ANGPT1: variants seen among roughly 807,000 people sequenced by gnomAD.
The protein encoded by ANGPT1 is angiopoietin 1, also known as angiopoietin-1.
A neutral mutation model predicts 62.2 loss-of-function variants in ANGPT1; 17 were observed. The observed-to-expected ratio is 0.27, with a 90% CI of 0.19 to 0.41. The LOEUF (loss-of-function observed/expected upper bound fraction) is 0.41. Ranked by LOEUF, ANGPT1 falls within the 10% of genes least tolerant of loss-of-function variation. The pLI is 1.00. For synonymous variants in ANGPT1, 199 were observed against 198.9 expected, an observed-to-expected ratio of 1.00 and a Z score of 0.00; for missense variants, 478 against 594.9, an observed-to-expected ratio of 0.80 and a Z score of 2.04.
chr8:107,491,935 A>C (rs932088424), intron 1 of ANGPT1, among the ~76,000 whole-genome samples: 3 of 152,190 alleles, frequency 2.0e-5, no homozygotes, highest in African/African-American at 7.2e-5. Context: ...TGCCCATAGA[A>C]ACTCATAGAA....
chr8:107,342,914 T>C (rs1189782000), intron 2 of ANGPT1, among the ~76,000 whole-genome samples: 1 of 151,804 alleles, frequency 6.6e-6, no homozygotes, highest in Non-Finnish European at 1.5e-5. Flanking sequence ...CAGCTCATTG[T>C]AACCTTGAAC....
At chr8:107,402,489 A>C (rs1473811736) in intron 1 of ANGPT1, among the ~76,000 whole-genome samples, 1 of 152,210 alleles carries the variant, frequency 6.6e-6, no homozygotes, top group African/African-American at 2.4e-5. Context: ...ATAGCATGGG[A>C]GGGTACACAG....
rs146054655 is a variant in ANGPT1 at position 107,412,691 on chromosome 8, T to C, written c.298-65594A>G. Among the ~76,000 whole-genome samples, 14 of 152,258 alleles carry C rather than the reference T, an allele frequency of 9.2e-5. 1 individual carries two copies. In the East Asian group the frequency reaches 1.2e-3, roughly 13 times the overall value. Reference sequence around the variant, plus strand: ...AAGATGAATACATCCCCTGCCTTCATTGAACCAGTGAAATATACACTTGAA... The same window carrying C: ...AAGATGAATACATCCCCTGCCTTCACTGAACCAGTGAAATATACACTTGAA... On this transcript the variant is annotated intron_variant, in intron 1 of 8. Coordinates refer to ENST00000517746, the MANE Select transcript of ANGPT1 (RefSeq NM_001146.5).
chr8:107,413,594 A>C (rs2130361167), intron 1 of ANGPT1, among the ~76,000 whole-genome samples: 1 of 150,264 alleles, frequency 6.7e-6, no homozygotes, highest in South Asian at 2.1e-4. Flanking sequence ...GTATTATTTA[A>C]ATTAATATGC....
At chr8:107,478,478 G>A (rs1242826843) in intron 1 of ANGPT1, among the ~76,000 whole-genome samples, 1 of 152,158 alleles carries the variant, frequency 6.6e-6, no homozygotes, top group Admixed American at 6.5e-5. Flanking sequence ...CAACCTGGGA[G>A]GCAGAGGTTG....
chr8:107,301,080 G>A (rs1814576590), intron 5 of ANGPT1, among the ~76,000 whole-genome samples: 1 of 151,820 alleles, frequency 6.6e-6, no homozygotes, highest in South Asian at 2.1e-4. Flanking sequence ...ATGAACTAAA[G>A]TCCATAGAAT....
intron 1 of ANGPT1, among the ~76,000 whole-genome samples, chr8:107,365,890 C>CAT (rs71308725): frequency 2.7e-5 from 4 of 149,032 alleles, no homozygotes; most frequent in Admixed American, 1.3e-4. Context: ...CACACACACA[C>CAT]GATTTTGCCT....
At chr8:107,385,392 A>G (rs888800323) in intron 1 of ANGPT1, among the ~76,000 whole-genome samples, 1 of 152,064 alleles carries the variant, frequency 6.6e-6, no homozygotes, top group Non-Finnish European at 1.5e-5. Flanking sequence ...TTTTGTGGCT[A>G]CTGTGAATAG....
intron 1 of ANGPT1, among the ~76,000 whole-genome samples, chr8:107,458,490 A>C (rs1811980971): frequency 6.6e-6 from 1 of 152,200 alleles, no homozygotes; most frequent in African/African-American, 2.4e-5. Context: ...AATATTTTCT[A>C]AACTAAAACA....
chr8:107,350,322 C>G (rs985653397), intron 1 of ANGPT1, among the ~76,000 whole-genome samples: 7 of 152,082 alleles, frequency 4.6e-5, no homozygotes, highest in Non-Finnish European at 8.8e-5. Context: ...AGCTCCAATA[C>G]AAGATCTGCT....
chr8:107,474,796 A>C (rs1812468482), intron 1 of ANGPT1, among the ~76,000 whole-genome samples: 1 of 152,198 alleles, frequency 6.6e-6, no homozygotes, highest in Admixed American at 6.5e-5. Flanking sequence ...AATGGTAGAC[A>C]AACAGAGAGC....
At chr8:107,342,016 G>A (rs1004485813) in intron 2 of ANGPT1, among the ~76,000 whole-genome samples, 4 of 152,060 alleles carry the variant, frequency 2.6e-5, no homozygotes, top group South Asian at 2.1e-4. Flanking sequence ...TTAGCATCAC[G>A]AGTAAGGAAG....
rs543557558 is a variant in ANGPT1 at position 107,359,867 on chromosome 8, C to T, written c.298-12770G>A. Among the ~76,000 whole-genome samples, 7 of 152,238 alleles carry T rather than the reference C, an allele frequency of 4.6e-5. No individual in the cohort carries two copies. The South Asian group carries it at 8.3e-4, about 18-fold the overall frequency. The stretch of plus-strand genomic sequence containing the variant: ...TTCTTGAAATGGTTTGGTTGGTTTT[C>T]TCCTTTCTTTAGAAAATGAGAATTC... On this transcript the variant is annotated intron_variant, in intron 1 of 8. Transcript: ENST00000517746.
chr8:107,437,448 A>G (rs1446936313), intron 1 of ANGPT1, among the ~76,000 whole-genome samples: 3 of 152,196 alleles, frequency 2.0e-5, no homozygotes, highest in Non-Finnish European at 4.4e-5. Flanking sequence ...AGACAAAGAG[A>G]GCTGAAGTAT....
chr8:107,439,597 T>C (rs1222041638), intron 1 of ANGPT1, among the ~76,000 whole-genome samples: 2 of 152,218 alleles, frequency 1.3e-5, no homozygotes, highest in Admixed American at 6.5e-5. Flanking sequence ...GCTAAACCAA[T>C]TCCTGTTCTA....
intron 3 of ANGPT1, among the ~76,000 whole-genome samples, chr8:107,326,679 T>G (rs991097355): frequency 1.3e-5 from 2 of 152,146 alleles, no homozygotes; most frequent in South Asian, 4.1e-4. Flanking sequence ...CTCTACTTAT[T>G]ATCTTATTCT....
chr8:107,339,611 A>G (rs139630920), intron 2 of ANGPT1, among the ~76,000 whole-genome samples: 1 of 152,244 alleles, frequency 6.6e-6, no homozygotes, highest in East Asian at 1.9e-4. Context: ...ATTGAAAACT[A>G]TCATATCTAT....
chr8:107,331,049 C>A (rs934664373), intron 3 of ANGPT1, among the ~76,000 whole-genome samples: 1 of 151,932 alleles, frequency 6.6e-6, no homozygotes, highest in Admixed American at 6.6e-5. Flanking sequence ...ATAATTCAGC[C>A]TAGTTTAATG....
At chr8:107,393,834 A>C (rs1003147029) in intron 1 of ANGPT1, among the ~76,000 whole-genome samples, 3 of 152,172 alleles carry the variant, frequency 2.0e-5, no homozygotes, top group Admixed American at 6.5e-5. Flanking sequence ...AACAAACAAA[A>C]AAATGGGGGA....
Sources: allele counts gnomAD v4.1 joint callset (sites outside exome capture counted in the v4.1 genomes callset), GRCh38; gene constraint gnomAD v4.1.1; transcripts MANE v1.5; gene names NCBI Gene and HGNC (gene_info 2026-07-23, HGNC 2026-07-21).